ELOVL3: variants seen among roughly 807,000 people sequenced by gnomAD.
ELOVL3 encodes very long chain fatty acid elongase 3.
ELOVL3 carries 11 observed loss-of-function variants against 14.9 expected under a neutral mutation model. The observed-to-expected ratio is 0.74, with a 90% confidence interval of 0.46 to 1.22. ELOVL3 has a LOEUF of 1.22. ELOVL3 is among the 50% of genes most tolerant of loss of function. The pLI is 0.00. For missense variants in ELOVL3, 277 were observed against 338.9 expected (o/e 0.82, Z 1.43); for synonymous variants, 117 against 124.7 (o/e 0.94, Z 0.41).
intron 3 of ELOVL3, 25 bp downstream of exon 3, chr10:102,228,593 T>G (rs2070160458): frequency 3.7e-6 from 6 of 1,612,286 alleles, no homozygotes; most frequent in Non-Finnish European, 5.1e-6. Context: ...TTTGTCTTTC[T>G]GGTGCCTTGT....
upstream of ELOVL3, among the ~76,000 whole-genome samples, chr10:102,225,694 G>A (rs1332606247): frequency 6.6e-6 from 1 of 152,132 alleles, no homozygotes; most frequent in Non-Finnish European, 1.5e-5. Context: ...AGCCCAGAGG[G>A]TGACCCCATT....
Position 102,229,426 on chromosome 10 carries a change from G to A in ELOVL3, c.*174G>A. ...ACAAGAAGGGTGACCTTGGGATGGG[G>A]GTGTGGTCTGTTACTTTAATGTTTC... On this transcript the variant is annotated 3_prime_UTR_variant, in exon 4 of 4. Transcript: ENST00000370005. 1 of 622,544 alleles carries A rather than the reference G, an allele frequency of 1.6e-6. No individual in the cohort carries two copies. The highest frequency in any genetic ancestry group is 2.8e-6 in the Non-Finnish European group (1 of 361,190). 38.6% of individuals were successfully genotyped at this position (622,544 alleles called of 1,614,324 possible). A position where few individuals can be genotyped will look rare whatever the true frequency, so the allele number is the denominator to read the frequency against.
upstream of ELOVL3, among the ~76,000 whole-genome samples, chr10:102,226,103 C>T (rs971789736): frequency 1.3e-5 from 2 of 152,168 alleles, no homozygotes; most frequent in African/African-American, 4.8e-5. Context: ...ACCCGCAAGG[C>T]CGCACAGGAT....
At chr10:102,228,631 C>T (rs2070160803) in intron 3 of ELOVL3, 63 bp downstream of exon 3, 2 of 1,580,786 alleles carry the variant, frequency 1.3e-6, no homozygotes, top group African/African-American at 1.3e-5. Context: ...AGGGCCCTCC[C>T]TTCACCCATC....
chr10:102,227,581 T>A, intron 1 of ELOVL3, 45 bp from the exon 2 acceptor site: 1 of 1,589,700 alleles, frequency 6.3e-7, no homozygotes, highest in Middle Eastern at 1.8e-4. Flanking sequence ...ATTTCTCTAA[T>A]CAGCACCCAC....
intron 2 of ELOVL3, 49 bp downstream of exon 2, chr10:102,227,806 A>G (rs2070151143): frequency 6.2e-7 from 1 of 1,600,372 alleles, no homozygotes; most frequent in Non-Finnish European, 8.5e-7. Flanking sequence ...TTAGACCACC[A>G]TTCTATCCCT....
intron 1 of ELOVL3, 74 bp from the exon 2 acceptor site, chr10:102,227,552 C>T (rs1195964623): frequency 6.0e-6 from 9 of 1,509,344 alleles, no homozygotes; most frequent in Non-Finnish European, 7.2e-6. Context: ...AGAGCACTCA[C>T]CTGGAGAGAT....
At chr10:102,224,794 C>G (rs2070124671), upstream of ELOVL3, among the ~76,000 whole-genome samples, 1 of 150,832 alleles carries the variant, frequency 6.6e-6, no homozygotes, top group Non-Finnish European at 1.5e-5. Flanking sequence ...TCCCGAGTAG[C>G]TGGGACTACA....
At position 102,229,026 on chromosome 10, in the gene ELOVL3, A is replaced by G. The variant is rs1305263313; in HGVS notation, c.587A>G (p.Lys196Arg). Residue 196 changes from lysine (K) to arginine (R), a missense_variant, in exon 4 of 4, where the codon AAG becomes AGG. Transcript: ENST00000370005. Reference protein sequence around the residue: ...TLKAANVKPPKMLPMLITSLQ... With the variant: ...TLKAANVKPPRMLPMLITSLQ... ...AAGGCTGCCAACGTGAAGCCCCCCA[A>G]GATGCTGCCCATGCTCATCACCAGC... 3 of 1,614,142 alleles carry G rather than the reference A, an allele frequency of 1.9e-6. No homozygotes were observed. Among genetic ancestry groups the G allele is most frequent in the East Asian group, 4.5e-5 (2 of 44,884 alleles).
chr10:102,229,136 A>G lies in ELOVL3; in HGVS notation c.697A>G (p.Met233Val). The stretch of plus-strand genomic sequence containing the variant: ...GCAGGATCAGGGATGCCACACCACG[A>G]TGGAACACTTATTCTGGTCCTTCAT... Reference protein sequence around the residue: ...WRQDQGCHTTMEHLFWSFILY... With the variant: ...WRQDQGCHTTVEHLFWSFILY... The change falls in exon 4 of 4, where the codon ATG becomes GTG. Residue 233 changes from methionine to valine, a missense_variant. Transcript: ENST00000370005. 1.2e-6 allele frequency: 2 copies of G among 1,614,098 alleles called. No individual in the cohort carries two copies. Among genetic ancestry groups the G allele is most frequent in the African/African-American group, 2.7e-5 (2 of 75,040 alleles).
intron 1 of ELOVL3, 39 bp downstream of exon 1, chr10:102,226,688 C>T (rs201723472): frequency 2.5e-4 from 376 of 1,484,038 alleles, no homozygotes; most frequent in Non-Finnish European, 3.2e-4. Context: ...GCCAGGGCCC[C>T]GGGGCCGGGG....
upstream of ELOVL3, among the ~76,000 whole-genome samples, chr10:102,224,786 C>A (rs2070124573): frequency 6.6e-6 from 1 of 151,626 alleles, no homozygotes; most frequent in South Asian, 2.1e-4. Flanking sequence ...CCTCAGCCTC[C>A]CGAGTAGCTG....
At chr10:102,226,910 G>C (rs1441885481) in intron 1 of ELOVL3, among the ~76,000 whole-genome samples, 1 of 151,716 alleles carries the variant, frequency 6.6e-6, no homozygotes, top group Non-Finnish European at 1.5e-5. Context: ...TAGTGAGAAG[G>C]GTCTTGGAGG....
chr10:102,226,781 C>T (rs1215905685), intron 1 of ELOVL3, 132 bp downstream of exon 1: 3 of 632,194 alleles, frequency 4.7e-6, no homozygotes, highest in Non-Finnish European at 8.3e-6. Flanking sequence ...CTTCACACTA[C>T]CTTTGTCCGA....
chr10:102,227,710 C>G lies in ELOVL3; in HGVS notation c.186C>G (p.Asn62Lys), dbSNP rs771881239. ...QNYMKERKGF[N>K]LQGPLILWSF... ...ACATGAAGGAACGCAAGGGCTTCAA[C>G]CTGCAAGGGCCTCTCATCCTCTGGT... Residue 62 changes from asparagine to lysine, a missense_variant, in exon 2 of 4, where the codon AAC (asparagine) becomes AAG (lysine). Physicochemically the swap from Asn to Lys is moderately conservative, Grantham distance 94. Coordinates refer to ENST00000370005, the MANE Select transcript of ELOVL3 (RefSeq NM_152310.3). 1.5e-5 allele frequency: 24 copies of G among 1,613,704 alleles called. No homozygotes were observed.
upstream of ELOVL3, among the ~76,000 whole-genome samples, chr10:102,225,719 T>A (rs1179354074): frequency 6.6e-6 from 1 of 152,148 alleles, no homozygotes; most frequent in African/African-American, 2.4e-5. Context: ...CTCTCCATGG[T>A]TATTACTGTC....
In ELOVL3 at chr10:102,228,848, C is replaced by T. The variant is rs150611171; in HGVS notation, c.409C>T (p.Arg137Cys). Residue 137 changes from arginine (R) to cysteine (C), a missense_variant, in exon 4 of 4, where the codon CGT becomes TGT. Arg to Cys is a radical substitution (Grantham distance 180, BLOSUM62 -3). Coordinates refer to ENST00000370005, the MANE Select transcript of ELOVL3 (RefSeq NM_152310.3). ...AGGAGACACAGCCTTCATCATCCTGCGTAAGCGGCCACTCATCTTTATTCA... is the reference window on the plus strand; with the variant it reads ...AGGAGACACAGCCTTCATCATCCTGTGTAAGCGGCCACTCATCTTTATTCA... ...ELGDTAFIIL[R>C]KRPLIFIHWY... is the part of the protein sequence containing the mutation. 2.4e-4 allele frequency: 395 copies of T among 1,612,548 alleles called. No individual in the cohort carries two copies. Among genetic ancestry groups the T allele is most frequent in the Non-Finnish European group, 3.0e-4 (359 of 1,178,926 alleles).
intron 1 of ELOVL3, 50 bp downstream of exon 1, chr10:102,226,699 C>CATG: frequency 1.5e-6 from 2 of 1,370,718 alleles, no homozygotes; most frequent in Non-Finnish European, 2.1e-6. Flanking sequence ...GGGGCCGGGG[C>CATG]GCGAGGGGGT....
intron 3 of ELOVL3, 50 bp from the exon 4 acceptor site, chr10:102,228,775 G>A: frequency 1.3e-6 from 2 of 1,536,010 alleles, no homozygotes; most frequent in Non-Finnish European, 1.8e-6. Context: ...CAGTGCAGAG[G>A]GTGGTCCCAG....
Sources: gnomAD v4.1 joint callset for allele counts (sites outside exome capture counted in the v4.1 genomes callset) on GRCh38, gnomAD v4.1.1 for gene constraint, MANE v1.5 for transcripts, NCBI Gene and HGNC (gene_info 2026-07-23, HGNC 2026-07-21) for gene names.